The following NCOA1 variants were observed in gnomAD, a reference collection of about 807,000 sequenced individuals.
NCOA1 encodes the protein Hin-2 protein.
NCOA1 carries 35 observed loss-of-function variants against 150.9 expected under a neutral mutation model. The ratio of observed to expected loss-of-function variants is 0.23; its 90% CI spans 0.18 to 0.31. NCOA1 has a LOEUF of 0.31. Among genes scored for constraint, NCOA1 ranks in the 10% least tolerant of loss-of-function variants. The pLI, the probability that NCOA1 is intolerant of heterozygous loss-of-function variation, is 1.00. For missense variants in NCOA1, 1,491 were observed against 1,749.3 expected, an observed-to-expected ratio of 0.85 and a Z score of 2.63; for synonymous variants, 590 against 630.0, an observed-to-expected ratio of 0.94 and a Z score of 0.95.
chr2:24,517,491 C>G (rs565922835), intron 1 of NCOA1, among the ~76,000 whole-genome samples: 55 of 152,248 alleles, frequency 3.6e-4, no homozygotes, highest in African/African-American at 1.2e-3. Flanking sequence ...GGGTTTATGT[C>G]TGCGAGAACC....
At position 24,769,052 on chromosome 2, in the gene NCOA1, T is replaced by C. The variant is rs1222602161; in HGVS notation, c.*661T>C. On this transcript the variant is annotated 3_prime_UTR_variant, in exon 23 of 23. Transcript: ENST00000348332. ...TATATTCACAGAGGAATCCAAAAAA[T>C]ACAGTTTGGGGGAAAATGCAATAAT... 4.7e-6 allele frequency: 1 copy of C among 213,812 alleles called. No homozygotes were observed. The highest frequency in any genetic ancestry group is 9.5e-6 in the Non-Finnish European group (1 of 105,706). The allele number at this position is 213,812 out of a possible 1,614,324, so 13.2% of individuals were successfully genotyped here. A position where few individuals can be genotyped will look rare whatever the true frequency, so the allele number is the denominator to read the frequency against.
At chr2:24,622,480 G>A (rs887205714) in intron 3 of NCOA1, among the ~76,000 whole-genome samples, 3 of 152,134 alleles carry the variant, frequency 2.0e-5, no homozygotes, top group African/African-American at 4.8e-5. Context: ...TTATGATTAT[G>A]TCTTTGTACT....
chr2:24,698,910 C>T (rs1180960647), intron 11 of NCOA1, among the ~76,000 whole-genome samples: 1 of 152,098 alleles, frequency 6.6e-6, no homozygotes, highest in East Asian at 1.9e-4. Flanking sequence ...ATATAAATAT[C>T]ACAATCCAGG....
intron 1 of NCOA1, among the ~76,000 whole-genome samples, chr2:24,496,701 A>G (rs1355370093): frequency 2.6e-5 from 4 of 152,336 alleles, no homozygotes; most frequent in Non-Finnish European, 5.9e-5. Context: ...TTAAATGATC[A>G]TTTAGGACAG....
chr2:24,571,292 A>G (rs1024777813), intron 2 of NCOA1, among the ~76,000 whole-genome samples: 1 of 152,222 alleles, frequency 6.6e-6, no homozygotes, highest in Non-Finnish European at 1.5e-5. Context: ...AAAAGGTCCA[A>G]AAATACAGTT....
chr2:24,766,856 G>A (rs1326778825), intron 22 of NCOA1, among the ~76,000 whole-genome samples: 2 of 152,234 alleles, frequency 1.3e-5, no homozygotes, highest in East Asian at 1.9e-4. Context: ...GCGTTGGTGT[G>A]TTATAGACAC....
chr2:24,625,037 T>C, intron 3 of NCOA1, among the ~76,000 whole-genome samples: 1 of 152,192 alleles, frequency 6.6e-6, no homozygotes, highest in Non-Finnish European at 1.5e-5. Context: ...CAAAACTTTG[T>C]TTATGGACAG....
intron 1 of NCOA1, among the ~76,000 whole-genome samples, chr2:24,562,632 C>T (rs760347289): frequency 2.2e-4 from 33 of 152,274 alleles, no homozygotes; most frequent in Middle Eastern, 3.4e-3. Flanking sequence ...GCACAGCATT[C>T]GGAGTCTAGC....
chr2:24,717,971 G>A (rs1237751467), intron 14 of NCOA1, among the ~76,000 whole-genome samples: 6 of 147,242 alleles, frequency 4.1e-5, no homozygotes, highest in East Asian at 2.0e-4. Flanking sequence ...ATTGCCGCTC[G>A]CTACAACCTC....
chr2:24,537,602 T>C, intron 1 of NCOA1, among the ~76,000 whole-genome samples: 1 of 151,962 alleles, frequency 6.6e-6, no homozygotes, highest in Non-Finnish European at 1.5e-5. Context: ...AATGGGGATA[T>C]GTAGGTCAAA....
chr2:24,707,447 T>C lies in NCOA1; in HGVS notation c.1977T>C (p.Ser659=). 6.2e-7 allele frequency: 1 copy of C among 1,614,226 alleles called. No individual in the cohort carries two copies. The highest frequency in any genetic ancestry group is 8.5e-7 in the Non-Finnish European group (1 of 1,180,034). The stretch of plus-strand genomic sequence containing the variant: ...ACACAAGCTGCAAAGATGTCCTGTC[T>C]TGCACAGGCACTTCCAACTCTGCCT... ...DIDTSCKDVL[S]CTGTSNSASA... The change falls in exon 13 of 23, where the codon TCT becomes TCC. Residue 659 remains serine (S), a synonymous_variant. Transcript: ENST00000348332.
At chr2:24,579,287 C>T (rs1457886607) in intron 2 of NCOA1, among the ~76,000 whole-genome samples, 1 of 151,952 alleles carries the variant, frequency 6.6e-6, no homozygotes, top group Non-Finnish European at 1.5e-5. Flanking sequence ...TGAGGAAAGA[C>T]CTGACAGTAG....
At chr2:24,586,946 T>TA (rs1207453056) in intron 3 of NCOA1, among the ~76,000 whole-genome samples, 1 of 152,042 alleles carries the variant, frequency 6.6e-6, no homozygotes, top group Non-Finnish European at 1.5e-5. Context: ...CCCAGAGAAA[T>TA]ACATAGTGAA....
chr2:24,574,506 G>A (rs935058415), intron 2 of NCOA1, among the ~76,000 whole-genome samples: 22 of 151,980 alleles, frequency 1.4e-4, no homozygotes, highest in African/African-American at 4.3e-4. Context: ...TGTAAGCACA[G>A]ATTTTTCTTG....
At chr2:24,522,836 T>C (rs1465073268) in intron 1 of NCOA1, among the ~76,000 whole-genome samples, 2 of 152,176 alleles carry the variant, frequency 1.3e-5, no homozygotes, top group Non-Finnish European at 2.9e-5. Flanking sequence ...CTTTTAAGGA[T>C]TTGAAAGAGG....
intron 4 of NCOA1, among the ~76,000 whole-genome samples, chr2:24,657,877 G>A (rs1023370429): frequency 3.3e-5 from 5 of 152,174 alleles, no homozygotes; most frequent in Non-Finnish European, 2.9e-5. Flanking sequence ...AATCCAAAAG[G>A]TAGTGATGAT....
rs981308112 is a variant in NCOA1, at chr2:24,769,028, A to T, written c.*637A>T. The T allele has an allele frequency of 4.7e-6, 1 of 213,606 alleles. No homozygotes were observed. Among genetic ancestry groups the T allele is most frequent in the African/African-American group, 2.3e-5 (1 of 44,284 alleles). The allele number at this position is 213,606 out of a possible 1,614,324, so 13.2% of individuals were successfully genotyped here. A position where few individuals can be genotyped will look rare whatever the true frequency, so the allele number is the denominator to read the frequency against. ...CTCCAGGAAAGAGGACGAAATGAGTATATTCACAGAGGAATCCAAAAAATA... is the reference window on the plus strand; with the variant it reads ...CTCCAGGAAAGAGGACGAAATGAGTTTATTCACAGAGGAATCCAAAAAATA... On this transcript the variant is annotated 3_prime_UTR_variant, in exon 23 of 23. Coordinates refer to ENST00000348332, the MANE Select transcript of NCOA1 (RefSeq NM_003743.5).
chr2:24,680,598 G>A (rs1364502386), intron 7 of NCOA1, among the ~76,000 whole-genome samples: 2 of 152,088 alleles, frequency 1.3e-5, no homozygotes, highest in East Asian at 3.8e-4. Flanking sequence ...AGGGATGTTG[G>A]TCAAAAGATG....
chr2:24,552,353 ATTTTTTTTTTTTTTTTT>A (rs869212842), intron 1 of NCOA1, among the ~76,000 whole-genome samples: 2 of 38,348 alleles, frequency 5.2e-5, no homozygotes, highest in East Asian at 6.5e-4. Context: ...ATATATATAT[ATTTTTTTTTTTTTTTTT>A]TTTTTTTTTT....
Sources: gnomAD v4.1 joint callset for allele counts (sites outside exome capture counted in the v4.1 genomes callset) on GRCh38, gnomAD v4.1.1 for gene constraint, MANE v1.5 for transcripts, NCBI Gene and HGNC (gene_info 2026-07-23, HGNC 2026-07-21) for gene names.